TMEM94: variants seen among roughly 807,000 people sequenced by gnomAD.
The protein encoded by TMEM94 is ER Mg2+ ATPase.
A neutral mutation model predicts 158.6 loss-of-function variants in TMEM94; 81 were observed. The ratio of observed to expected loss-of-function variants is 0.51; its 90% CI spans 0.43 to 0.61. TMEM94 has a LOEUF of 0.61. Ranked by LOEUF, TMEM94 falls within the 20% of genes least tolerant of loss-of-function variation. The pLI, the probability that TMEM94 is intolerant of heterozygous loss-of-function variation, is 0.00. For synonymous variants in TMEM94, 751 were observed against 730.7 expected, an observed-to-expected ratio of 1.03 and a Z score of -0.45; for missense variants, 1,435 against 1,762.0, an observed-to-expected ratio of 0.81 and a Z score of 3.32.
intron 5 of TMEM94, among the ~76,000 whole-genome samples, chr17:75,486,922 A>C (rs2146593009): frequency 6.6e-6 from 1 of 152,114 alleles, no homozygotes; most frequent in Admixed American, 6.5e-5. Flanking sequence ...GTGTTTATGA[A>C]GCTTGGCTGC....
At position 75,489,038 on chromosome 17, in the gene TMEM94, C is replaced by A; in HGVS notation, c.764+128C>A. On this transcript the variant is annotated intron_variant, in intron 7 of 31. Transcript: ENST00000314256. The surrounding 1 kb of genome is among the most constrained non-coding windows in gnomAD (Gnocchi z 5.0). ...GGCAGGCATCTCCTTAGGCTCCTGT[C>A]CTTAACATCTTGTGAGAATTCTTAG... is the stretch of plus-strand genomic sequence containing the variant. 9.4e-7 allele frequency: 1 copy of A among 1,064,702 alleles called. No homozygotes were observed. Among genetic ancestry groups the A allele is most frequent in the Non-Finnish European group, 1.4e-6 (1 of 729,506 alleles). The allele number at this position is 1,064,702 out of a possible 1,614,324, so 66.0% of individuals were successfully genotyped here. A position where few individuals can be genotyped will look rare whatever the true frequency, so the allele number is the denominator to read the frequency against.
intron 2 of TMEM94, among the ~76,000 whole-genome samples, chr17:75,476,056 A>G (rs1423754608): frequency 2.0e-5 from 3 of 152,138 alleles, no homozygotes; most frequent in Middle Eastern, 3.2e-3. Flanking sequence ...AGCTGTAACT[A>G]TGGAAAGGGC....
chr17:75,496,061 C>T lies in TMEM94; in HGVS notation c.3040C>T (p.Gln1014Ter). The T allele has an allele frequency of 1.2e-6, 2 of 1,611,592 alleles. No individual in the cohort carries two copies. Among genetic ancestry groups the T allele is most frequent in the Non-Finnish European group, 1.7e-6 (2 of 1,179,196 alleles). Reference protein sequence around the residue: ...ANLRNSCLFLQSDISIALDPL... With the variant: ...ANLRNSCLFL ...CCTGCGGAACAGCTGCCTCTTCCTC[C>T]AGAGCGACATCAGGTCAGGGCGGGA... The change falls in exon 23 of 32, where the codon CAG (glutamine) becomes TAG (stop). Residue 1014 changes from glutamine (Q) to a stop codon, truncating the protein, a stop_gained. Transcript: ENST00000314256. LOFTEE classifies it high-confidence loss of function.
Position 75,499,878 on chromosome 17 carries a change from T to C in TMEM94, c.*544T>C, listed in dbSNP as rs1408677587. 6.4e-6 allele frequency: 1 copy of C among 156,216 alleles called. No individual in the cohort carries two copies. The highest frequency in any genetic ancestry group is 1.4e-5 in the Non-Finnish European group (1 of 70,184). The allele number at this position is 156,216 out of a possible 1,614,324, so 9.7% of individuals were successfully genotyped here. ...GGAGTCTCCCGCCTGAACCTGAAGA[T>C]GGAGCAGGGCCCCCGCTTCGCCCTG... On this transcript the variant is annotated 3_prime_UTR_variant, in exon 32 of 32. Transcript: ENST00000314256.
At chr17:75,486,844 G>A (rs2051663557) in intron 5 of TMEM94, among the ~76,000 whole-genome samples, 1 of 152,232 alleles carries the variant, frequency 6.6e-6, no homozygotes, top group South Asian at 2.1e-4. Flanking sequence ...GGGAGCCTGA[G>A]ATGGAGCAGC....
chr17:75,461,310 T>A (rs1179808337), intron 1 of TMEM94, among the ~76,000 whole-genome samples: 1 of 151,424 alleles, frequency 6.6e-6, no homozygotes, highest in Non-Finnish European at 1.5e-5. Flanking sequence ...ATGTTGGCCA[T>A]GCTGATGTCG....
In TMEM94 at chr17:75,471,967, G is replaced by A. The variant is rs766235023; in HGVS notation, c.24+38G>A. On this transcript the variant is annotated intron_variant, in intron 2 of 31. Transcript: ENST00000314256. ...CTATTACCTTATAGGTATTGTCTGT[G>A]TGTCTCTGTTGAACTCTTTCCTACT... 34 of 1,608,270 alleles carry A rather than the reference G, an allele frequency of 2.1e-5. No individual in the cohort carries two copies. The Admixed American group carries it at 5.5e-4, about 26-fold the overall frequency.
rs1245404619 is a variant in TMEM94 at position 75,493,757 on chromosome 17, G to T, written c.2248G>T (p.Ala750Ser). 1 of 1,613,964 alleles carries T rather than the reference G, an allele frequency of 6.2e-7. No individual in the cohort carries two copies. Among genetic ancestry groups the T allele is most frequent in the African/African-American group, 1.3e-5 (1 of 74,924 alleles). The part of the protein sequence containing the change: ...ACLSGYCSAF[A>S]YKPMNCALSS... ...CCTGTCTGGGTATTGCTCTGCCTTC[G>T]CCTACAAGCCCATGAACTGCGCCCT... Residue 750 changes from alanine to serine, a missense_variant, in exon 18 of 32, where the codon GCC becomes TCC. Ala to Ser is a moderately conservative substitution (Grantham distance 99, BLOSUM62 1). Around this residue, in one of 3 missense-constraint regions of TMEM94, gnomAD observed 1,051 missense variants for 1,254.4 expected, o/e 0.84. Transcript: ENST00000314256.
In TMEM94 at chr17:75,498,178, C is replaced by A; in HGVS notation, c.3493C>A (p.Gln1165Lys). The change falls in exon 28 of 32, where the codon CAG becomes AAG. Residue 1165 changes from glutamine to lysine, a missense_variant. Gln to Lys is a moderately conservative substitution (Grantham distance 53). Coordinates refer to ENST00000314256, the MANE Select transcript of TMEM94 (RefSeq NM_014738.6). This position sits in a 1 kb window ranked among gnomAD's most constrained non-coding sequence, Gnocchi z 6.7. ...GTGACTGGCCTTGTTCCCGCAGACCCAGCACTACTTCCTGCTCTGCTTCCT... is the reference window on the plus strand; with the variant it reads ...GTGACTGGCCTTGTTCCCGCAGACCAAGCACTACTTCCTGCTCTGCTTCCT... Reference protein sequence around the residue: ...KNLQSIPKKTQHYFLLCFLLK... With the variant: ...KNLQSIPKKTKHYFLLCFLLK... 6.2e-7 allele frequency: 1 copy of A among 1,613,872 alleles called. No individual in the cohort carries two copies. Among genetic ancestry groups the A allele is most frequent in the Non-Finnish European group, 8.5e-7 (1 of 1,180,010 alleles).
rs1417046093 is a variant in TMEM94, at chr17:75,499,336, C to G, written c.*2C>G. 4.3e-6 allele frequency: 7 copies of G among 1,613,386 alleles called. No individual in the cohort carries two copies. Among genetic ancestry groups the G allele is most frequent in the Non-Finnish European group, 5.9e-6 (7 of 1,179,736 alleles). ...CTGGGCATGAACTCTCCCTTCTGAG[C>G]CACTGGCTGTGGTGGCTGTAGTTGC... On this transcript the variant is annotated 3_prime_UTR_variant, in exon 32 of 32. Coordinates refer to ENST00000314256, the MANE Select transcript of TMEM94 (RefSeq NM_014738.6).
In TMEM94 at chr17:75,489,490, G is replaced by A. The variant is rs141487109; in HGVS notation, c.868-86G>A. 4,116 of 1,487,640 alleles carry A rather than the reference G, an allele frequency of 2.8e-3. 9 individuals carry two copies. Among genetic ancestry groups the A allele is most frequent in the Non-Finnish European group, 3.2e-3 (3,414 of 1,065,610 alleles). 92.2% of individuals were successfully genotyped at this position (1,487,640 alleles called of 1,614,324 possible). A position where few individuals can be genotyped will look rare whatever the true frequency, so the allele number is the denominator to read the frequency against. On this transcript the variant is annotated intron_variant, in intron 8 of 31. Transcript: ENST00000314256. This position sits in a 1 kb window ranked among gnomAD's most constrained non-coding sequence, Gnocchi z 5.0. ...AGAGGGTCCCAGAGTGAGCCAGCCT[G>A]TGGAGTAGCAAAGGAAGGGGAACGG...
chr17:75,476,267 CTG>C (rs1185341624), intron 2 of TMEM94, among the ~76,000 whole-genome samples: 1 of 152,086 alleles, frequency 6.6e-6, no homozygotes, highest in East Asian at 1.9e-4. Context: ...ATCTATCCCT[CTG>C]TCTGTCCATA....
intron 2 of TMEM94, among the ~76,000 whole-genome samples, chr17:75,483,932 C>T (rs2051373453): frequency 6.6e-6 from 1 of 152,122 alleles, no homozygotes. Flanking sequence ...TGGAAACCTA[C>T]AGAGGTTGGT....
chr17:75,463,160 ATGTGTGTGTGTG>A (rs66559909), intron 1 of TMEM94, among the ~76,000 whole-genome samples: 1 of 18,088 alleles, frequency 5.5e-5, no homozygotes, highest in Non-Finnish European at 1.1e-4. Context: ...ACGTATATAT[ATGTGTGTGTGTG>A]TGTGTGTATA....
chr17:75,488,096 C>T lies in TMEM94; in HGVS notation c.574C>T (p.Pro192Ser). ...LVEGDIIALRPGQESFASLRG... is the reference protein window; with the variant it reads ...LVEGDIIALRSGQESFASLRG... Reference sequence around the variant, plus strand: ...TGAAGGAGACATCATAGCTTTGAGGCCTGGCCAGGAATCGTTTGCTTCTCT... The same window carrying T: ...TGAAGGAGACATCATAGCTTTGAGGTCTGGCCAGGAATCGTTTGCTTCTCT... Residue 192 changes from proline to serine, a missense_variant, in exon 6 of 32, where the codon CCT becomes TCT. Physicochemically the swap from Pro to Ser is moderately conservative, Grantham distance 74 (BLOSUM62 -1). Around this residue, in one of 3 missense-constraint regions of TMEM94, gnomAD observed 1,051 missense variants for 1,254.4 expected, o/e 0.84. Coordinates refer to ENST00000314256, the MANE Select transcript of TMEM94 (RefSeq NM_014738.6). 1 of 1,614,144 alleles carries T rather than the reference C, an allele frequency of 6.2e-7. No homozygotes were observed. The highest frequency in any genetic ancestry group is 8.5e-7 in the Non-Finnish European group (1 of 1,180,024).
chr17:75,475,756 G>A (rs553683246), intron 2 of TMEM94, among the ~76,000 whole-genome samples: 7 of 152,312 alleles, frequency 4.6e-5, no homozygotes, highest in East Asian at 3.9e-4. Context: ...CACTTGGGCC[G>A]GTGTGTCTGA....
At chr17:75,463,178 G>GTATATATATATATATATATA (rs749164900) in intron 1 of TMEM94, among the ~76,000 whole-genome samples, 2 of 15,082 alleles carry the variant, frequency 1.3e-4, no homozygotes, top group African/African-American at 3.3e-4. Context: ...GTGTGTGTGT[G>GTATATATATATATATATATA]TATATATATA....
Position 75,498,713 on chromosome 17 carries a change from T to A in TMEM94, c.3818T>A (p.Val1273Glu). 6.4e-7 allele frequency: 1 copy of A among 1,561,700 alleles called. No homozygotes were observed. The highest frequency in any genetic ancestry group is 1.2e-5 in the South Asian group (1 of 81,986). The change falls in exon 30 of 32, where the codon GTG (valine) becomes GAG (glutamate). Residue 1273 changes from valine to glutamate, a missense_variant. By Grantham distance (121) the Val-to-Glu change is moderately radical. This residue lies in a region of TMEM94 where 335 missense variants were observed against 409.1 expected (regional missense o/e 0.82). Transcript: ENST00000314256. This position sits in a 1 kb window ranked among gnomAD's most constrained non-coding sequence, Gnocchi z 6.7. The stretch of plus-strand genomic sequence containing the variant: ...ACCAACCTCTGGTGGGCCGTGACAG[T>A]GCCTGTGGTGTGAGTATTGCTAGGA... ...PLTNLWWAVT[V>E]PVVLLGQVVQ...
chr17:75,493,167 C>A, intron 16 of TMEM94, 65 bp downstream of exon 16: 1 of 1,500,706 alleles, frequency 6.7e-7, no homozygotes, highest in Non-Finnish European at 9.1e-7. Context: ...GGGGGCTCTG[C>A]CCAGCCCCAC....
Sources: allele counts gnomAD v4.1 joint callset (sites outside exome capture counted in the v4.1 genomes callset), GRCh38; gene constraint gnomAD v4.1.1; regional missense constraint gnomAD v4.1.1; non-coding constraint Gnocchi (gnomAD v3.1); transcripts MANE v1.5; gene names NCBI Gene and HGNC (gene_info 2026-07-23, HGNC 2026-07-21).